The following DMD variants were observed in gnomAD, a reference collection of about 807,000 sequenced individuals.
DMD encodes dystrophin.
Under a neutral mutation model 330.1 loss-of-function variants are expected in DMD, and 63 were observed. The ratio of observed to expected loss-of-function variants is 0.19; its 90% CI spans 0.16 to 0.24. The LOEUF (loss-of-function observed/expected upper bound fraction) is 0.24, where lower values mean the gene tolerates loss of function less well. DMD is among the 10% of genes least tolerant of loss of function. The pLI, the probability that DMD is intolerant of heterozygous loss-of-function variation, is 1.00. For synonymous variants in DMD, 1,223 were observed against 959.8 expected (o/e 1.27, Z -5.07); for missense variants, 3,344 against 2,684.1 (o/e 1.25, Z -5.43).
At chrX:31,175,190 A>G (rs1026921280) in intron 71 of DMD, among the ~76,000 whole-genome samples, 1 of 111,632 alleles carries the variant, frequency 9.0e-6, no homozygotes, top group African/African-American at 3.2e-5. Flanking sequence ...TTTCAATTAC[A>G]TATTTTTTTA....
chrX:33,051,603 A>AT lies in DMD; in HGVS notation c.32-31404dup, dbSNP rs759812684. ...ACTCTATATGGAAAATAAGGAAAGT[A>AT]TTTTTTCCCTTTTAAAATAAGGAAA... On this transcript the variant is annotated intron_variant, in intron 1 of 78. Transcript: ENST00000357033. Among the ~76,000 whole-genome samples the AT allele has an allele frequency of 1.1e-4, 11 of 100,398 alleles. No homozygotes were observed. The South Asian group carries it at 2.1e-3, about 20-fold the overall frequency. 87.2% of individuals were successfully genotyped at this position (100,398 alleles called of 115,157 possible). A position where few individuals can be genotyped will look rare whatever the true frequency, so the allele number is the denominator to read the frequency against.
At chrX:32,252,845 T>TATAA (rs2097279176) in intron 43 of DMD, among the ~76,000 whole-genome samples, 1 of 74,543 alleles carries the variant, frequency 1.3e-5, no homozygotes, top group African/African-American at 5.7e-5. Context: ...TATATATAAA[T>TATAA]ATATAAATAT....
At chrX:31,233,317 C>T (rs1254431255) in intron 63 of DMD, among the ~76,000 whole-genome samples, 1 of 111,831 alleles carries the variant, frequency 8.9e-6, no homozygotes, top group Non-Finnish European at 1.9e-5. Flanking sequence ...TATTCTCAAC[C>T]TCATTAATTA....
At chrX:31,411,029 G>A (rs1243737848) in intron 60 of DMD, among the ~76,000 whole-genome samples, 3 of 105,322 alleles carry the variant, frequency 2.8e-5, no homozygotes, top group Non-Finnish European at 3.9e-5. Flanking sequence ...GCCTCCCAAA[G>A]TGTTGGGATT....
intron 55 of DMD, among the ~76,000 whole-genome samples, chrX:31,562,786 C>G (rs776091373): frequency 1.4e-4 from 16 of 111,946 alleles, no homozygotes; most frequent in Non-Finnish European, 3.0e-4. Flanking sequence ...TTATTTTAAG[C>G]AGTAACAAGG....
chrX:32,134,784 T>C (rs748571105), intron 44 of DMD, among the ~76,000 whole-genome samples: 1 of 111,415 alleles, frequency 9.0e-6, no homozygotes, highest in Non-Finnish European at 1.9e-5. Context: ...ATAAATGAGG[T>C]ATACTTTGAA....
At chrX:33,095,437 T>C (rs532959344) in intron 1 of DMD, among the ~76,000 whole-genome samples, 2 of 112,286 alleles carry the variant, frequency 1.8e-5, no homozygotes, top group South Asian at 3.7e-4. Flanking sequence ...GTTATGGTTT[T>C]ATCAGACAAG....
chrX:32,875,960 C>A (rs2083343850), intron 2 of DMD, among the ~76,000 whole-genome samples: 1 of 111,402 alleles, frequency 9.0e-6, no homozygotes, highest in Admixed American at 9.6e-5. Flanking sequence ...TATTGATTAC[C>A]CCCAAACCAT....
At chrX:32,403,299 T>A (rs981539525) in intron 30 of DMD, among the ~76,000 whole-genome samples, 5 of 111,659 alleles carry the variant, frequency 4.5e-5, no homozygotes, top group African/African-American at 1.6e-4. Flanking sequence ...TTCAAAATAT[T>A]CAGAGTGTTG....
intron 62 of DMD, among the ~76,000 whole-genome samples, chrX:31,284,854 A>C (rs1187748454): frequency 9.3e-6 from 1 of 107,192 alleles, no homozygotes; most frequent in South Asian, 4.1e-4. Flanking sequence ...ACACACACAC[A>C]CACACACACC....
At chrX:31,391,144 C>A (rs1225293507) in intron 60 of DMD, among the ~76,000 whole-genome samples, 1 of 111,086 alleles carries the variant, frequency 9.0e-6, no homozygotes, top group Non-Finnish European at 1.9e-5. Flanking sequence ...CACTATTTTT[C>A]TTTTTATTTT....
chrX:32,715,266 CAA>C (rs1208396337), intron 7 of DMD, among the ~76,000 whole-genome samples: 1 of 109,839 alleles, frequency 9.1e-6, no homozygotes, highest in Non-Finnish European at 1.9e-5. Flanking sequence ...ATCACAAGGT[CAA>C]GAGATTGAGA....
At chrX:31,824,920 C>G (rs1603482100) in intron 49 of DMD, among the ~76,000 whole-genome samples, 1 of 111,468 alleles carries the variant, frequency 9.0e-6, no homozygotes, top group African/African-American at 3.3e-5. Flanking sequence ...ATCCAGAATG[C>G]ATGATGTAAA....
At chrX:32,193,370 G>A (rs2096984349) in intron 44 of DMD, among the ~76,000 whole-genome samples, 2 of 111,955 alleles carry the variant, frequency 1.8e-5, no homozygotes, top group Non-Finnish European at 3.8e-5. Flanking sequence ...AAGAAAACAT[G>A]CCCATGTAAT....
intron 55 of DMD, among the ~76,000 whole-genome samples, chrX:31,532,387 C>T (rs2073915928): frequency 4.5e-5 from 1 of 22,136 alleles, no homozygotes; most frequent in Non-Finnish European, 6.7e-5. Context: ...CCAAACTAAG[C>T]TTCATAAGTG....
At chrX:33,264,676 T>C (rs1307941126) in intron 1 of DMD, among the ~76,000 whole-genome samples, 3 of 105,769 alleles carry the variant, frequency 2.8e-5, no homozygotes, top group Non-Finnish European at 5.9e-5. Context: ...TCCTTCGTTA[T>C]GAATCTGGAG....
chrX:32,350,602 C>G (rs2097778224), intron 37 of DMD, among the ~76,000 whole-genome samples: 1 of 111,516 alleles, frequency 9.0e-6, no homozygotes, highest in Non-Finnish European at 1.9e-5. Flanking sequence ...TTACACAAAA[C>G]TAAGGCAATA....
At chrX:32,372,932 C>T (rs754368088) in intron 34 of DMD, among the ~76,000 whole-genome samples, 1 of 110,329 alleles carries the variant, frequency 9.1e-6, no homozygotes, top group Non-Finnish European at 1.9e-5. Context: ...GAAACATGGT[C>T]ACAGGGTAAG....
rs925841475 is a variant in DMD at position 32,565,705 on chromosome X, T to A, written c.1989A>T (p.Ala663=). The A allele has an allele frequency of 8.3e-7, 1 of 1,209,099 alleles. No individual in the cohort carries two copies. The highest frequency in any genetic ancestry group is 1.7e-5 in the African/African-American group (1 of 57,277). ...NLVQKLEKST[A]QISQAVTTTQ... ...CATGATAATTGGTATCACTAACCTG[T>A]GCTGTACTCTTTTCAAGTTTTTGGA... Residue 663 remains alanine, a synonymous_variant, in exon 16 of 79, where the codon GCA becomes GCT. Coordinates refer to ENST00000357033, the MANE Select transcript of DMD (RefSeq NM_004006.3).
Sources: allele counts gnomAD v4.1 joint callset (sites outside exome capture counted in the v4.1 genomes callset), GRCh38; gene constraint gnomAD v4.1.1; transcripts MANE v1.5; gene names NCBI Gene and HGNC (gene_info 2026-07-23, HGNC 2026-07-21).